SVEP1: variants seen among roughly 807,000 people sequenced by gnomAD.
The protein encoded by SVEP1 is sushi, von Willebrand factor type A, EGF and pentraxin domain containing 1.
A neutral mutation model predicts 367.3 loss-of-function variants in SVEP1; 164 were observed. That is an observed-to-expected ratio of 0.45 (90% CI 0.39 to 0.51). The LOEUF (loss-of-function observed/expected upper bound fraction) is 0.51. Among genes scored for constraint, SVEP1 ranks in the 20% least tolerant of loss-of-function variants. The probability of loss-of-function intolerance (pLI) is 0.00; values close to 1 mark genes in which losing one functional copy is unlikely to be tolerated. For missense variants in SVEP1, 4,117 were observed against 4,425.3 expected (o/e 0.93, Z 1.98); for synonymous variants, 1,666 against 1,611.6 (o/e 1.03, Z -0.81).
In SVEP1 at chr9:110,427,657, T is replaced by C. The variant is rs753676144; in HGVS notation, c.5909A>G (p.Lys1970Arg). The C allele has an allele frequency of 1.9e-6, 3 of 1,613,802 alleles. No individual in the cohort carries two copies. Among genetic ancestry groups the C allele is most frequent in the Non-Finnish European group, 2.5e-6 (3 of 1,179,864 alleles). The change falls in exon 36 of 48, where the codon AAA becomes AGA. Residue 1970 changes from lysine (K) to arginine (R), a missense_variant. By Grantham distance (26) the Lys-to-Arg change is conservative (BLOSUM62 2). Around this residue, in one of 4 missense-constraint regions of SVEP1, gnomAD observed 2,174 missense variants for 2,494.3 expected, o/e 0.87. Transcript: ENST00000374469. ...LVFCGEPPAIKDAVITGNNFT... is the reference protein window; with the variant it reads ...LVFCGEPPAIRDAVITGNNFT... ...GTTATTCCCCGTAATGACAGCATCT[T>C]TGATGGCAGGTGGTTCTCCACAGAA...
chr9:110,530,456 T>C (rs180948577), intron 3 of SVEP1, among the ~76,000 whole-genome samples: 1 of 152,280 alleles, frequency 6.6e-6, no homozygotes, highest in African/African-American at 2.4e-5. Context: ...TATACATAAG[T>C]ATTATAATAA....
intron 3 of SVEP1, among the ~76,000 whole-genome samples, chr9:110,541,510 C>G (rs1227959562): frequency 2.6e-5 from 4 of 152,074 alleles, no homozygotes; most frequent in African/African-American, 2.4e-5. Context: ...TAGCCTAGAA[C>G]AGTAGAATTC....
At chr9:110,458,323 T>A in intron 20 of SVEP1, 148 bp downstream of exon 20, 1 of 703,636 alleles carries the variant, frequency 1.4e-6, no homozygotes, top group East Asian at 2.7e-5. Context: ...ACAGGAGTCA[T>A]TGTAAATACA....
At position 110,376,988 on chromosome 9, in the gene SVEP1, G is replaced by C. The variant is rs1451971191; in HGVS notation, c.10504+283C>G. 1.4e-5 allele frequency: 4 copies of C among 292,808 alleles called. No individual in the cohort carries two copies. The South Asian group carries it at 2.3e-4, about 17-fold the overall frequency. The allele number at this position is 292,808 out of a possible 1,614,324, so 18.1% of individuals were successfully genotyped here. A position where few individuals can be genotyped will look rare whatever the true frequency, so the allele number is the denominator to read the frequency against. On this transcript the variant is annotated intron_variant, in intron 45 of 47. Coordinates refer to ENST00000374469, the MANE Select transcript of SVEP1 (RefSeq NM_153366.4). ...TGAGTTAAGGGAAGAGGATAGCTTG[G>C]AGACTTTACAACAAGCTCCTTCTCA...
At chr9:110,501,516 C>A (rs1198395649) in intron 6 of SVEP1, among the ~76,000 whole-genome samples, 2 of 150,144 alleles carry the variant, frequency 1.3e-5, no homozygotes, top group African/African-American at 2.4e-5. Context: ...GTGGGGGGGG[C>A]AGGCTTGTAG....
intron 1 of SVEP1, among the ~76,000 whole-genome samples, chr9:110,559,927 T>G (rs1187878934): frequency 1.3e-5 from 2 of 152,274 alleles, no homozygotes; most frequent in African/African-American, 4.8e-5. Flanking sequence ...ACACAATGAT[T>G]TCATTACCTA....
chr9:110,406,692 G>C lies in SVEP1; in HGVS notation c.8908C>G (p.His2970Asp), dbSNP rs369290112. 1 of 1,613,968 alleles carries C rather than the reference G, an allele frequency of 6.2e-7. No homozygotes were observed. Among genetic ancestry groups the C allele is most frequent in the South Asian group, 1.1e-5 (1 of 91,084 alleles). Residue 2970 changes from histidine to aspartate, a missense_variant, in exon 38 of 48, where the codon CAT becomes GAT. Physicochemically the swap from His to Asp is moderately conservative, Grantham distance 81 (BLOSUM62 -1). Transcript: ENST00000374469. ...CCAGGAAAGCACTGATACTGTATATGGCCCCCATGAATAAAGGAAAAACCA... is the reference window on the plus strand; with the variant it reads ...CCAGGAAAGCACTGATACTGTATATCGCCCCCATGAATAAAGGAAAAACCA... ...PNGFSFIHGGHIQYQCFPGYK... is the reference protein window; with the variant it reads ...PNGFSFIHGGDIQYQCFPGYK...
intron 28 of SVEP1, 120 bp downstream of exon 28, chr9:110,436,260 G>T: frequency 1.6e-6 from 2 of 1,281,176 alleles, no homozygotes; most frequent in Non-Finnish European, 2.1e-6. Context: ...AATGATACTG[G>T]TGATAAATTC....
chr9:110,573,504 A>C (rs982941350), intron 1 of SVEP1, among the ~76,000 whole-genome samples: 2 of 152,132 alleles, frequency 1.3e-5, no homozygotes, highest in Non-Finnish European at 2.9e-5. Flanking sequence ...ATGTTTGGCG[A>C]GACAGCGCAT....
At chr9:110,545,600 C>T (rs1830210197) in intron 3 of SVEP1, among the ~76,000 whole-genome samples, 1 of 152,206 alleles carries the variant, frequency 6.6e-6, no homozygotes, top group Non-Finnish European at 1.5e-5. Context: ...GGCCTGGGGA[C>T]AAGAATTCCA....
intron 3 of SVEP1, among the ~76,000 whole-genome samples, chr9:110,540,989 A>G (rs1241860687): frequency 6.6e-6 from 1 of 152,180 alleles, no homozygotes; most frequent in Non-Finnish European, 1.5e-5. Flanking sequence ...AGAAGACCAC[A>G]GTAATATCAT....
rs367970718 is a variant in SVEP1, at chr9:110,446,084, A to T, written c.4262-46T>A. ...GTGCAGACTGTGGCACTTGAAAGACATTTCCAATTGTCAGAGGAAGCAGTG... is the reference window on the plus strand; with the variant it reads ...GTGCAGACTGTGGCACTTGAAAGACTTTTCCAATTGTCAGAGGAAGCAGTG... On this transcript the variant is annotated intron_variant, in intron 25 of 47. Transcript: ENST00000374469. 8 of 1,528,406 alleles carry T rather than the reference A, an allele frequency of 5.2e-6. No homozygotes were observed. The African/African-American group carries it at 1.1e-4, about 21-fold the overall frequency. 94.7% of individuals were successfully genotyped at this position (1,528,406 alleles called of 1,614,324 possible).
chr9:110,471,357 G>A lies in SVEP1; in HGVS notation c.2998+7C>T. The A allele has an allele frequency of 6.2e-7, 1 of 1,612,474 alleles. No homozygotes were observed. The highest frequency in any genetic ancestry group is 2.2e-5 in the East Asian group (1 of 44,874). On this transcript the variant is annotated splice_region_variant and intron_variant, in intron 16 of 47. Coordinates refer to ENST00000374469, the MANE Select transcript of SVEP1 (RefSeq NM_153366.4). Reference sequence around the variant, plus strand: ...CAAATATTTTTGATCACAGGGAACAGTCTTACCACACATACGCCCTCTCAG... The same window carrying A: ...CAAATATTTTTGATCACAGGGAACAATCTTACCACACATACGCCCTCTCAG...
At position 110,544,395 on chromosome 9, in the gene SVEP1, T is replaced by TA. The variant is rs535136741; in HGVS notation, c.964+1719dup. Among the ~76,000 whole-genome samples the TA allele has an allele frequency of 3.6e-3, 526 of 147,812 alleles. 3 individuals carry two copies. The highest frequency in any genetic ancestry group is 0.01 in the African/African-American group (408 of 40,476). ...CTAATCATGAAAGAGCTGCAAGCTA[T>TA]AAAAAAAAAAGTTGCTCTTTAGGTA... On this transcript the variant is annotated intron_variant, in intron 3 of 47. Coordinates refer to ENST00000374469, the MANE Select transcript of SVEP1 (RefSeq NM_153366.4).
chr9:110,493,037 T>C (rs1829392806), intron 8 of SVEP1, among the ~76,000 whole-genome samples: 2 of 152,186 alleles, frequency 1.3e-5, no homozygotes, highest in Admixed American at 1.3e-4. Context: ...GTTGTTGGCA[T>C]GGTGAAGTGA....
intron 38 of SVEP1, 115 bp from the exon 39 acceptor site, chr9:110,404,667 GATTGTTGC>G: frequency 1.1e-6 from 1 of 938,038 alleles, no homozygotes. Context: ...GCAACATATT[GATTGTTGC>G]ACAATCAATA....
chr9:110,561,270 T>C (rs201476384), intron 1 of SVEP1, among the ~76,000 whole-genome samples: 3 of 152,176 alleles, frequency 2.0e-5, no homozygotes. Context: ...TAGATCAAAG[T>C]TTCCTCTTTT....
At chr9:110,375,508 A>C (rs761351034) in intron 45 of SVEP1, 45 bp from the exon 46 acceptor site, 1 of 1,447,566 alleles carries the variant, frequency 6.9e-7, no homozygotes, top group Admixed American at 2.3e-5. Context: ...GGGGGGATTG[A>C]AATGGCGTTG....
intron 37 of SVEP1, 136 bp from the exon 38 acceptor site, chr9:110,409,087 A>G: frequency 9.6e-7 from 1 of 1,037,130 alleles, no homozygotes; most frequent in Admixed American, 2.8e-5. Flanking sequence ...ATAATGATTT[A>G]TGGTTTTTCC....
Sources: allele counts gnomAD v4.1 joint callset (sites outside exome capture counted in the v4.1 genomes callset), GRCh38; gene constraint gnomAD v4.1.1; regional missense constraint gnomAD v4.1.1; transcripts MANE v1.5; gene names NCBI Gene and HGNC (gene_info 2026-07-23, HGNC 2026-07-21).